Variants in CDH13 observed in about 807,000 individuals in gnomAD.
CDH13 encodes the protein cadherin-13.
Under a neutral mutation model 63.8 loss-of-function variants are expected in CDH13, and 24 were observed. The observed-to-expected ratio is 0.38, with a 90% CI of 0.27 to 0.53. The LOEUF is 0.53. Among genes scored for constraint, CDH13 ranks in the 20% least tolerant of loss-of-function variants. The pLI is 0.85. For synonymous variants in CDH13, 503 were observed against 355.3 expected, an observed-to-expected ratio of 1.42 and a Z score of -4.67; for missense variants, 1,049 against 903.1, an observed-to-expected ratio of 1.16 and a Z score of -2.07.
At chr16:83,160,476 T>G (rs1478928863) in intron 4 of CDH13, among the ~76,000 whole-genome samples, 1 of 152,220 alleles carries the variant, frequency 6.6e-6, no homozygotes, top group Non-Finnish European at 1.5e-5. Flanking sequence ...TTTATCAGAA[T>G]GGCAATTCTG....
At chr16:83,715,704 G>A (rs909407827) in intron 10 of CDH13, among the ~76,000 whole-genome samples, 4 of 152,154 alleles carry the variant, frequency 2.6e-5, no homozygotes, top group Non-Finnish European at 4.4e-5. Flanking sequence ...TCTGATGCTC[G>A]GTGCCAACTG....
intron 2 of CDH13, among the ~76,000 whole-genome samples, chr16:82,929,569 A>G (rs1023574193): frequency 1.4e-5 from 2 of 146,146 alleles, no homozygotes; most frequent in Non-Finnish European, 3.0e-5. Flanking sequence ...GGAGAATGGC[A>G]TGAACTCGGG....
rs544520068 is a variant in CDH13, at chr16:83,003,176, A to G, written c.158-28834A>G. 1.3e-4 allele frequency among the ~76,000 whole-genome samples: 20 copies of G among 152,292 alleles called. No homozygotes were observed. In the East Asian group the frequency reaches 1.7e-3, roughly 13 times the overall value. On this transcript the variant is annotated intron_variant, in intron 2 of 13. Coordinates refer to ENST00000567109, the MANE Select transcript of CDH13 (RefSeq NM_001257.5). ...AATTTGTCTGTGTGTTCAGTCCCAT[A>G]TGACAGTCTTGATAAGCCCAGCTGG...
chr16:83,400,303 G>C (rs963713269), intron 6 of CDH13, among the ~76,000 whole-genome samples: 1 of 152,156 alleles, frequency 6.6e-6, no homozygotes, highest in Admixed American at 6.5e-5. Flanking sequence ...AGGTGTTAGA[G>C]ATCAAGTGTT....
chr16:83,374,618 A>C, intron 6 of CDH13, among the ~76,000 whole-genome samples: 1 of 152,202 alleles, frequency 6.6e-6, no homozygotes, highest in Non-Finnish European at 1.5e-5. Context: ...GAGAAGATGC[A>C]GGTCAGTGAT....
intron 4 of CDH13, among the ~76,000 whole-genome samples, chr16:83,134,871 A>C (rs756659667): frequency 1.3e-5 from 2 of 152,200 alleles, no homozygotes; most frequent in Non-Finnish European, 2.9e-5. Context: ...CCCGCAAATA[A>C]AGGCATCTGA....
chr16:82,921,545 A>T (rs1043860700), intron 2 of CDH13, among the ~76,000 whole-genome samples: 2 of 152,090 alleles, frequency 1.3e-5, no homozygotes, highest in African/African-American at 2.4e-5. Flanking sequence ...ATGCACAGAC[A>T]TTTTTTTCCA....
chr16:83,181,390 C>T (rs1163751583), intron 4 of CDH13, among the ~76,000 whole-genome samples: 1 of 152,156 alleles, frequency 6.6e-6, no homozygotes, highest in East Asian at 1.9e-4. Context: ...GTGGGTGGCT[C>T]TAGCCTAGGT....
At chr16:83,657,342 C>G (rs1912959402) in intron 8 of CDH13, among the ~76,000 whole-genome samples, 1 of 152,170 alleles carries the variant, frequency 6.6e-6, no homozygotes, top group African/African-American at 2.4e-5. Flanking sequence ...AGGTGTCCCC[C>G]ATAGACCGTC....
At chr16:82,672,864 G>A (rs1913430789) in intron 1 of CDH13, among the ~76,000 whole-genome samples, 1 of 151,764 alleles carries the variant, frequency 6.6e-6, no homozygotes, top group East Asian at 1.9e-4. Flanking sequence ...GCCCAGGCTG[G>A]AGTGCAGTGA....
intron 1 of CDH13, among the ~76,000 whole-genome samples, chr16:82,666,385 A>G (rs975143537): frequency 2.0e-5 from 3 of 152,226 alleles, no homozygotes; most frequent in African/African-American, 7.2e-5. Context: ...ATGGACAATG[A>G]GGCCACCATC....
At chr16:83,232,672 C>A (rs544751118) in intron 5 of CDH13, among the ~76,000 whole-genome samples, 2 of 152,236 alleles carry the variant, frequency 1.3e-5, no homozygotes, top group Non-Finnish European at 2.9e-5. Context: ...CTGAGTCCTC[C>A]CCAGAAGCTG....
chr16:82,828,488 G>A (rs1410954226), intron 1 of CDH13, among the ~76,000 whole-genome samples: 4 of 152,062 alleles, frequency 2.6e-5, no homozygotes, highest in Non-Finnish European at 2.9e-5. Context: ...GTGTTGGCGG[G>A]CACCTGTAAT....
chr16:83,153,326 T>G (rs2037070117), intron 4 of CDH13, among the ~76,000 whole-genome samples: 1 of 152,058 alleles, frequency 6.6e-6, no homozygotes, highest in Admixed American at 6.6e-5. Flanking sequence ...TCTATCTGGG[T>G]GGTGCCAGTT....
chr16:82,740,913 T>G lies in CDH13; in HGVS notation c.45+113776T>G, dbSNP rs1396419813. On this transcript the variant is annotated intron_variant, in intron 1 of 13. Coordinates refer to ENST00000567109, the MANE Select transcript of CDH13 (RefSeq NM_001257.5). Reference sequence around the variant, plus strand: ...TACATTCGATCACAGCTGCTTTGTTTTAGGGTTTATATAAAAGAAATAACT... The same window carrying G: ...TACATTCGATCACAGCTGCTTTGTTGTAGGGTTTATATAAAAGAAATAACT... 2.6e-5 allele frequency among the ~76,000 whole-genome samples: 4 copies of G among 152,332 alleles called. No individual in the cohort carries two copies. In the East Asian group the frequency reaches 7.7e-4, roughly 29 times the overall value.
chr16:83,151,528 A>T (rs2036979102), intron 4 of CDH13, among the ~76,000 whole-genome samples: 1 of 152,072 alleles, frequency 6.6e-6, no homozygotes, highest in South Asian at 2.1e-4. Context: ...GAACAACTGA[A>T]CCCCTAAAAG....
chr16:82,865,476 T>G (rs1459684003), intron 2 of CDH13, among the ~76,000 whole-genome samples: 1 of 152,180 alleles, frequency 6.6e-6, no homozygotes, highest in African/African-American at 2.4e-5. Context: ...CAACACCACG[T>G]GTAATATGCC....
At chr16:83,620,450 C>G (rs1909710949) in intron 8 of CDH13, among the ~76,000 whole-genome samples, 1 of 150,414 alleles carries the variant, frequency 6.6e-6, no homozygotes, top group Non-Finnish European at 1.5e-5. Context: ...AGCCCCCATG[C>G]TGCTTAGGAA....
chr16:83,180,768 C>T (rs918720623), intron 4 of CDH13: 1 of 805,452 alleles, frequency 1.2e-6, no homozygotes. Flanking sequence ...TTCTTTAAGA[C>T]AAACAAACAA....
Sources: gnomAD v4.1 joint callset for allele counts (sites outside exome capture counted in the v4.1 genomes callset) on GRCh38, gnomAD v4.1.1 for gene constraint, MANE v1.5 for transcripts, NCBI Gene and HGNC (gene_info 2026-07-23, HGNC 2026-07-21) for gene names.